Variants in GALNT2 observed in about 807,000 individuals in gnomAD.
GALNT2 encodes the protein polypeptide N-acetylgalactosaminyltransferase 2, also known as UDP-GalNAc:polypeptide N-acetylgalactosaminyltransferase 2.
In GALNT2, 31 loss-of-function variants were observed where a neutral mutation model predicts 81.4. The ratio of observed to expected loss-of-function variants is 0.38; its 90% confidence interval spans 0.29 to 0.51. The LOEUF is 0.51. Among genes scored for constraint, GALNT2 ranks in the 20% least tolerant of loss-of-function variants. The pLI is 0.87. For synonymous variants in GALNT2, 303 were observed against 287.4 expected (o/e 1.05, Z -0.55); for missense variants, 629 against 765.7 (o/e 0.82, Z 2.11).
chr1:230,098,181 A>T (rs1247831857), intron 1 of GALNT2, among the ~76,000 whole-genome samples: 1 of 152,146 alleles, frequency 6.6e-6, no homozygotes, highest in African/African-American at 2.4e-5. Flanking sequence ...TACTTAAATA[A>T]CATGTGGGTT....
chr1:230,170,978 T>C (rs1260284264), intron 1 of GALNT2, among the ~76,000 whole-genome samples: 4 of 152,196 alleles, frequency 2.6e-5, no homozygotes, highest in African/African-American at 9.7e-5. Context: ...TAGTTAACTC[T>C]GGTGTTCTTT....
chr1:230,242,957 C>T (rs1479889692), intron 6 of GALNT2, among the ~76,000 whole-genome samples: 2 of 152,072 alleles, frequency 1.3e-5, no homozygotes, highest in African/African-American at 4.8e-5. Context: ...CTTCCTTAGC[C>T]CAGTTAGTTA....
chr1:230,120,187 T>G, intron 1 of GALNT2, among the ~76,000 whole-genome samples: 1 of 151,770 alleles, frequency 6.6e-6, no homozygotes, highest in African/African-American at 2.4e-5. Context: ...GAGTGGGCGG[T>G]GTTAAAGGCT....
intron 1 of GALNT2, among the ~76,000 whole-genome samples, chr1:230,122,117 G>T (rs1355096974): frequency 6.6e-6 from 1 of 151,982 alleles, no homozygotes; most frequent in Non-Finnish European, 1.5e-5. Flanking sequence ...TGTACATTAT[G>T]AACAGGTTGT....
At chr1:230,076,713 A>G (rs1203087797) in intron 1 of GALNT2, among the ~76,000 whole-genome samples, 1 of 152,166 alleles carries the variant, frequency 6.6e-6, no homozygotes, top group African/African-American at 2.4e-5. Flanking sequence ...ATTCTCATTT[A>G]TGAAGGGTCA....
At chr1:230,064,582 A>G (rs535262879), upstream of GALNT2, among the ~76,000 whole-genome samples, 1 of 152,260 alleles carries the variant, frequency 6.6e-6, no homozygotes, top group South Asian at 2.1e-4. Flanking sequence ...GTGCAATGGC[A>G]TGATCTCAGC....
chr1:230,203,495 T>G (rs918972883), intron 3 of GALNT2, among the ~76,000 whole-genome samples: 3 of 152,234 alleles, frequency 2.0e-5, no homozygotes, highest in Non-Finnish European at 4.4e-5. Flanking sequence ...CTCTAGTCTT[T>G]AGGTGCCCTG....
chr1:230,196,974 T>A (rs1395438109), intron 2 of GALNT2, among the ~76,000 whole-genome samples: 1 of 152,062 alleles, frequency 6.6e-6, no homozygotes, highest in Non-Finnish European at 1.5e-5. Context: ...TAACTGATCA[T>A]GATATGGCTG....
intron 2 of GALNT2, among the ~76,000 whole-genome samples, chr1:230,189,017 G>A (rs980717626): frequency 1.3e-5 from 2 of 152,106 alleles, no homozygotes; most frequent in African/African-American, 2.4e-5. Context: ...GAGTGGGGCC[G>A]GAAGAGGAGC....
chr1:230,118,532 A>T (rs188115871), intron 1 of GALNT2, among the ~76,000 whole-genome samples: 109 of 152,330 alleles, frequency 7.2e-4, no homozygotes, highest in Non-Finnish European at 5.4e-4. Flanking sequence ...TCTCTTTTAT[A>T]GTCCCATCAG....
chr1:230,232,401 C>T (rs537482665), intron 3 of GALNT2, among the ~76,000 whole-genome samples: 1 of 152,230 alleles, frequency 6.6e-6, no homozygotes, highest in East Asian at 1.9e-4. Context: ...TCCAGAGCCC[C>T]GTGAGACTTT....
At chr1:230,216,555 A>G (rs1396969596) in intron 3 of GALNT2, among the ~76,000 whole-genome samples, 1 of 152,190 alleles carries the variant, frequency 6.6e-6, no homozygotes, top group Non-Finnish European at 1.5e-5. Flanking sequence ...CCCCCTGAGT[A>G]GCTAAGACTA....
chr1:230,080,065 G>A (rs751626671), intron 1 of GALNT2, among the ~76,000 whole-genome samples: 2 of 152,224 alleles, frequency 1.3e-5, no homozygotes, highest in Non-Finnish European at 2.9e-5. Context: ...CATAATTGCA[G>A]TAGTGTTTGT....
intron 1 of GALNT2, among the ~76,000 whole-genome samples, chr1:230,093,379 C>A (rs1251673729): frequency 6.7e-6 from 1 of 148,698 alleles, no homozygotes; most frequent in Non-Finnish European, 1.5e-5. Context: ...TTAAATCAAA[C>A]CTGAAGCAGA....
At chr1:230,115,923 C>G (rs991859201) in intron 1 of GALNT2, among the ~76,000 whole-genome samples, 2 of 152,192 alleles carry the variant, frequency 1.3e-5, no homozygotes, top group Non-Finnish European at 2.9e-5. Flanking sequence ...ATGTCTTTTT[C>G]CAGGTTCTAT....
At chr1:230,143,449 G>A (rs1238646659) in intron 1 of GALNT2, among the ~76,000 whole-genome samples, 5 of 152,220 alleles carry the variant, frequency 3.3e-5, no homozygotes. Context: ...CAGTCACACA[G>A]CACCGCTGCC....
intron 2 of GALNT2, among the ~76,000 whole-genome samples, chr1:230,197,743 T>G (rs1663744870): frequency 6.6e-6 from 1 of 152,120 alleles, no homozygotes; most frequent in Non-Finnish European, 1.5e-5. Flanking sequence ...TGCTTGGATT[T>G]TGTGCTCTGT....
chr1:230,152,296 G>A (rs904221077), intron 1 of GALNT2, among the ~76,000 whole-genome samples: 3 of 152,068 alleles, frequency 2.0e-5, no homozygotes, highest in South Asian at 2.1e-4. Flanking sequence ...ATCCCCAGTC[G>A]GGCTTGGAAC....
At chr1:230,163,116 A>G (rs1662486940) in intron 1 of GALNT2, among the ~76,000 whole-genome samples, 1 of 152,212 alleles carries the variant, frequency 6.6e-6, no homozygotes, top group Non-Finnish European at 1.5e-5. Flanking sequence ...TCTTTGGCTT[A>G]CAGAAAGATA....
Sources: gnomAD v4.1 joint callset for allele counts (sites outside exome capture counted in the v4.1 genomes callset) on GRCh38, gnomAD v4.1.1 for gene constraint, MANE v1.5 for transcripts, NCBI Gene and HGNC (gene_info 2026-07-23, HGNC 2026-07-21) for gene names.